Variants in PTPN11 observed in about 807,000 individuals in gnomAD.
PTPN11 encodes the protein protein tyrosine phosphatase non-receptor type 11.
In PTPN11, 6 loss-of-function variants were observed where a neutral mutation model predicts 78.8. The observed-to-expected ratio is 0.08, with a 90% CI of 0.04 to 0.15. The LOEUF (loss-of-function observed/expected upper bound fraction) is 0.15. Among genes scored for constraint, PTPN11 ranks in the 10% least tolerant of loss-of-function variants. PTPN11 has a pLI of 1.00. For missense variants in PTPN11, 386 were observed against 744.8 expected (o/e 0.52, Z 5.61); for synonymous variants, 221 against 263.5 (o/e 0.84, Z 1.56).
chr12:112,507,888 T>G lies in PTPN11; in HGVS notation c.*2096T>G, dbSNP rs547373116. The G allele has an allele frequency of 1.3e-5, 2 of 152,770 alleles. No individual in the cohort carries two copies. The highest frequency in any genetic ancestry group is 3.9e-4 in the East Asian group (2 of 5,188). 9.5% of individuals were successfully genotyped at this position (152,770 alleles called of 1,614,324 possible). On this transcript the variant is annotated 3_prime_UTR_variant, in exon 16 of 16. Coordinates refer to ENST00000351677, the MANE Select transcript of PTPN11 (RefSeq NM_002834.5). ...GAACACAGGTGTGGCCTGAAGGTAT[T>G]CCCTTATTAGGGAAGTGTCACTGCT... is the stretch of plus-strand genomic sequence containing the variant.
intron 7 of PTPN11, among the ~76,000 whole-genome samples, chr12:112,475,000 A>G (rs916418224): frequency 6.6e-6 from 1 of 152,224 alleles, no homozygotes; most frequent in African/African-American, 2.4e-5. Context: ...AAGGCCTGGC[A>G]GGATGTAGGC....
chr12:112,496,248 A>T (rs2038812414), intron 13 of PTPN11, among the ~76,000 whole-genome samples: 1 of 152,148 alleles, frequency 6.6e-6, no homozygotes, highest in South Asian at 2.1e-4. Context: ...GTGTCATTTG[A>T]CATGTCCCCA....
At chr12:112,454,877 T>C (rs2038132359) in intron 5 of PTPN11, 197 bp downstream of exon 5, 9 of 624,988 alleles carry the variant, frequency 1.4e-5, no homozygotes, top group South Asian at 1.1e-4. Flanking sequence ...TGGAGTACAG[T>C]GTTGCAATCT....
At chr12:112,422,525 TGA>T (rs2037538731) in intron 1 of PTPN11, among the ~76,000 whole-genome samples, 1 of 152,202 alleles carries the variant, frequency 6.6e-6, no homozygotes, top group Non-Finnish European at 1.5e-5. Context: ...GACGATGAGC[TGA>T]GAGGGGCAGA....
At chr12:112,454,058 A>G (rs542329194) in intron 4 of PTPN11, among the ~76,000 whole-genome samples, 1 of 152,170 alleles carries the variant, frequency 6.6e-6, no homozygotes, top group East Asian at 1.9e-4. Context: ...ATATATTATT[A>G]TACTTATCAT....
intron 7 of PTPN11, among the ~76,000 whole-genome samples, chr12:112,474,960 G>A (rs1250405788): frequency 6.6e-6 from 1 of 152,022 alleles, no homozygotes. Flanking sequence ...AATGCCACCA[G>A]GCAAAGCCCA....
At chr12:112,450,205 C>T (rs1313975659) in intron 2 of PTPN11, 113 bp from the exon 3 acceptor site, 2 of 966,606 alleles carry the variant, frequency 2.1e-6, no homozygotes, top group Non-Finnish European at 3.3e-6. Context: ...TAAATTCGTT[C>T]CTTGGGTTTC....
intron 13 of PTPN11, among the ~76,000 whole-genome samples, chr12:112,496,142 G>A (rs914194458): frequency 9.9e-5 from 15 of 152,038 alleles, no homozygotes; most frequent in Admixed American, 2.0e-4. Flanking sequence ...TGATAGAGAC[G>A]CATGTACATT....
chr12:112,477,834 G>A (rs1021142766), intron 8 of PTPN11, 23 bp from the exon 9 acceptor site: 9 of 1,613,714 alleles, frequency 5.6e-6, no homozygotes, highest in African/African-American at 1.3e-5. Context: ...GGTGTTTGAA[G>A]GATTTTCTTC....
At position 112,446,503 on chromosome 12, in the gene PTPN11, T is replaced by C. The variant is rs576573551; in HGVS notation, c.137+105T>C. Reference sequence around the variant, plus strand: ...GCCTGCATTTCGAGTTTGAAGGCCTTATCTGAGCCCTGGGCTGCCTTCAGG... The same window carrying C: ...GCCTGCATTTCGAGTTTGAAGGCCTCATCTGAGCCCTGGGCTGCCTTCAGG... On this transcript the variant is annotated intron_variant, in intron 2 of 15. Transcript: ENST00000351677. 3.9e-6 allele frequency: 6 copies of C among 1,521,678 alleles called. No homozygotes were observed. The African/African-American group carries it at 8.2e-5, about 21-fold the overall frequency. The allele number at this position is 1,521,678 out of a possible 1,614,324, so 94.3% of individuals were successfully genotyped here. A position where few individuals can be genotyped will look rare whatever the true frequency, so the allele number is the denominator to read the frequency against.
intron 1 of PTPN11, among the ~76,000 whole-genome samples, chr12:112,419,873 C>T (rs2037494978): frequency 6.6e-6 from 1 of 152,140 alleles, no homozygotes; most frequent in African/African-American, 2.4e-5. Context: ...TAGTAAATGA[C>T]AAGATTTGAA....
rs540041705 is a variant in PTPN11, at chr12:112,434,180, T to A, written c.15-12096T>A. On this transcript the variant is annotated intron_variant, in intron 1 of 15. Transcript: ENST00000351677. ...CTGTAGTCCCAGCTACTCAGGAGGC[T>A]GAGGTGGGAGGATTGCTTGAGCCTG... Among the ~76,000 whole-genome samples, 6 of 152,030 alleles carry A rather than the reference T, an allele frequency of 3.9e-5. No homozygotes were observed. The East Asian group carries it at 1.2e-3, about 29-fold the overall frequency.
chr12:112,493,764 A>C (rs1253106642), intron 13 of PTPN11, among the ~76,000 whole-genome samples: 1 of 152,056 alleles, frequency 6.6e-6, no homozygotes, highest in East Asian at 1.9e-4. Context: ...ATGTAACTTC[A>C]AGTTTGTACC....
Position 112,504,543 on chromosome 12 carries a change from C to G in PTPN11, c.1713-152C>G. 1.5e-6 allele frequency: 1 copy of G among 653,486 alleles called. No homozygotes were observed. The allele number at this position is 653,486 out of a possible 1,614,324, so 40.5% of individuals were successfully genotyped here. A position where few individuals can be genotyped will look rare whatever the true frequency, so the allele number is the denominator to read the frequency against. ...ATATTGCTGTATGGCTATCTCTTCT[C>G]TCCCTGGGAATGTCAGGTCCTAGGC... On this transcript the variant is annotated intron_variant, in intron 14 of 15. Coordinates refer to ENST00000351677, the MANE Select transcript of PTPN11 (RefSeq NM_002834.5). The surrounding 1 kb of genome is among the most constrained non-coding windows in gnomAD (Gnocchi z 4.7).
chr12:112,502,602 C>G (rs1200844565), intron 14 of PTPN11, among the ~76,000 whole-genome samples: 2 of 152,070 alleles, frequency 1.3e-5, no homozygotes, highest in Non-Finnish European at 2.9e-5. Context: ...CAAAAATTAG[C>G]CGGGCATGGT....
intron 1 of PTPN11, among the ~76,000 whole-genome samples, chr12:112,438,901 C>T (rs771338646): frequency 6.6e-6 from 1 of 152,138 alleles, no homozygotes; most frequent in Non-Finnish European, 1.5e-5. Flanking sequence ...CTGGGATTTA[C>T]AGGCATGAAC....
chr12:112,499,353 T>G (rs1204336549), intron 13 of PTPN11, among the ~76,000 whole-genome samples: 1 of 152,100 alleles, frequency 6.6e-6, no homozygotes, highest in East Asian at 1.9e-4. Flanking sequence ...TATTATTTTT[T>G]GAGATGGAGT....
chr12:112,467,158 GAGTAGTGCCGTTGGGTACTCACAGTC>G (rs1045367273), intron 6 of PTPN11, among the ~76,000 whole-genome samples: 7 of 152,224 alleles, frequency 4.6e-5, no homozygotes, highest in East Asian at 1.9e-4. Flanking sequence ...CACAGTAGTG[GAGTAGTGCCGTTGGGTACTCACAGTC>G]AGTAGTGCCG....
intron 1 of PTPN11, among the ~76,000 whole-genome samples, chr12:112,426,174 C>T (rs934690485): frequency 3.3e-5 from 5 of 152,208 alleles, no homozygotes; most frequent in African/African-American, 1.2e-4. Context: ...ACATAAGTCC[C>T]TAGCCTCAAA....
Sources: allele counts gnomAD v4.1 joint callset (sites outside exome capture counted in the v4.1 genomes callset), GRCh38; gene constraint gnomAD v4.1.1; non-coding constraint Gnocchi (gnomAD v3.1); transcripts MANE v1.5; gene names NCBI Gene and HGNC (gene_info 2026-07-23, HGNC 2026-07-21).